The following PRKAR1A variants were observed in gnomAD, a reference collection of about 807,000 sequenced individuals.
The protein encoded by PRKAR1A is protein kinase cAMP-dependent type I regulatory subunit alpha, also known as cAMP-dependent protein kinase type I-alpha regulatory subunit.
A neutral mutation model predicts 52.0 loss-of-function variants in PRKAR1A; 3 were observed. The observed-to-expected ratio is 0.06, with a 90% CI of 0.03 to 0.15. The LOEUF (loss-of-function observed/expected upper bound fraction) is 0.15, where lower values mean the gene tolerates loss of function less well. Ranked by LOEUF, PRKAR1A falls within the 10% of genes least tolerant of loss-of-function variation. The pLI, the probability that PRKAR1A is intolerant of heterozygous loss-of-function variation, is 1.00. For missense variants in PRKAR1A, 240 were observed against 477.4 expected, an observed-to-expected ratio of 0.50 and a Z score of 4.63; for synonymous variants, 188 against 168.4, an observed-to-expected ratio of 1.12 and a Z score of -0.90.
At chr17:68,428,237 T>A in the PRKAR1A span, 3 of 147,882 alleles carry the variant, frequency 2.0e-5, no homozygotes, top group Non-Finnish European at 3.0e-5. Context: ...GGTTTTTTTT[T>A]TTTTTTATTT....
intron 11 of PRKAR1A, chr17:68,539,216 T>C: frequency 2.3e-6 from 2 of 882,950 alleles, no homozygotes; most frequent in Non-Finnish European, 1.9e-6. Flanking sequence ...GTGATTCATG[T>C]CATTCTACCC....
At chr17:68,486,394 TTCTTTCTTTCTTTC>T in the PRKAR1A span, among the ~76,000 whole-genome samples, 1 of 30,478 alleles carries the variant, frequency 3.3e-5, no homozygotes, top group Non-Finnish European at 5.7e-5. Flanking sequence ...TTCTCTTTCT[TTCTTTCTTTCTTTC>T]TTTCTTTCCT....
chr17:68,532,203 TA>T lies in PRKAR1A; in HGVS notation c.*1760del. Reference sequence around the variant, plus strand: ...TTGTGTTTAGCTACCTTTTTATATTTAAAAAATTAAAAATGAAAATTACGTT... The same window carrying T: ...TTGTGTTTAGCTACCTTTTTATATTTAAAAATTAAAAATGAAAATTACGTT... On this transcript the variant is annotated 3_prime_UTR_variant, in exon 11 of 11. Transcript: ENST00000589228. The T allele has an allele frequency of 9.7e-7, 1 of 1,034,488 alleles. No individual in the cohort carries two copies. The highest frequency in any genetic ancestry group is 1.2e-6 in the Non-Finnish European group (1 of 851,326). The allele number at this position is 1,034,488 out of a possible 1,614,324, so 64.1% of individuals were successfully genotyped here.
At chr17:68,421,838 G>A in the PRKAR1A span, 2 of 1,614,114 alleles carry the variant, frequency 1.2e-6, no homozygotes, top group East Asian at 2.2e-5. Context: ...AATCAAAACA[G>A]AATGGCCTTA....
chr17:68,522,317 G>A (rs1308931399), intron 2 of PRKAR1A, among the ~76,000 whole-genome samples: 1 of 152,150 alleles, frequency 6.6e-6, no homozygotes, highest in Non-Finnish European at 1.5e-5. Flanking sequence ...ACTATGTTGG[G>A]CTTGAATTGT....
chr17:68,437,014 A>G, the PRKAR1A span, among the ~76,000 whole-genome samples: 17,906 of 81,738 alleles, frequency 0.22, 1,240 homozygotes, highest in South Asian at 0.35. Context: ...AAATATATAT[A>G]TATGTGTGTG....
At chr17:68,449,273 T>C in the PRKAR1A span, among the ~76,000 whole-genome samples, 1 of 152,228 alleles carries the variant, frequency 6.6e-6, no homozygotes, top group African/African-American at 2.4e-5. Context: ...AGCACGTATC[T>C]ACCAAGCACT....
the PRKAR1A span, among the ~76,000 whole-genome samples, chr17:68,423,047 C>T: frequency 7.9e-5 from 12 of 152,204 alleles, no homozygotes; most frequent in South Asian, 4.1e-4. The surrounding 1 kb of genome is among the most constrained non-coding windows in gnomAD (Gnocchi z 4.4). Flanking sequence ...CTTAAGGCAG[C>T]GGCTCACAGA....
intron 7 of PRKAR1A, among the ~76,000 whole-genome samples, chr17:68,526,481 C>A (rs2085795223): frequency 1.3e-5 from 2 of 152,184 alleles, no homozygotes; most frequent in Non-Finnish European, 1.5e-5. Flanking sequence ...ATGCATTGGT[C>A]ATTTTTAATG....
chr17:68,469,300 C>T, the PRKAR1A span, among the ~76,000 whole-genome samples: 1 of 152,008 alleles, frequency 6.6e-6, no homozygotes, highest in East Asian at 1.9e-4. Context: ...TAAAATTTCC[C>T]ACAACCACAT....
chr17:68,533,785 T>C (rs921415664), downstream of PRKAR1A, among the ~76,000 whole-genome samples: 36 of 152,172 alleles, frequency 2.4e-4, no homozygotes, highest in Non-Finnish European at 3.7e-4. Context: ...CAGGCTAGAG[T>C]GAAGTGGCAT....
At chr17:68,438,430 G>A in the PRKAR1A span, among the ~76,000 whole-genome samples, 1 of 152,216 alleles carries the variant, frequency 6.6e-6, no homozygotes, top group African/African-American at 2.4e-5. Context: ...GTGAAACTGG[G>A]GAGGGAAGGC....
At chr17:68,441,363 AGTTTATG>A in the PRKAR1A span, among the ~76,000 whole-genome samples, 1 of 152,260 alleles carries the variant, frequency 6.6e-6, no homozygotes, top group Non-Finnish European at 1.5e-5. Flanking sequence ...ATTTACTTGT[AGTTTATG>A]AAGTCAAAAT....
At chr17:68,427,375 G>A in the PRKAR1A span, 1 of 762,890 alleles carries the variant, frequency 1.3e-6, no homozygotes, top group Non-Finnish European at 2.1e-6. Flanking sequence ...ATTTATTTTT[G>A]AGGCAGGGTC....
chr17:68,511,544 G>A (rs887859118), upstream of PRKAR1A, among the ~76,000 whole-genome samples: 1 of 152,242 alleles, frequency 6.6e-6, no homozygotes, highest in East Asian at 1.9e-4. Flanking sequence ...GGTCAGGAGT[G>A]ATGGGGGGGC....
the PRKAR1A span, chr17:68,413,823 G>GT: frequency 2.6e-4 from 40 of 153,780 alleles, no homozygotes; most frequent in Non-Finnish European, 4.8e-4. Context: ...CTGGTGCGCC[G>GT]TTTTTTAAGC....
At chr17:68,535,898 G>A (rs571516105), downstream of PRKAR1A, 2 of 453,862 alleles carry the variant, frequency 4.4e-6, no homozygotes, top group East Asian at 6.9e-5. Context: ...CTTTGGAATA[G>A]GTCTAAACCA....
chr17:68,433,981 C>T, the PRKAR1A span, among the ~76,000 whole-genome samples: 4 of 151,914 alleles, frequency 2.6e-5, no homozygotes, highest in Non-Finnish European at 5.9e-5. Context: ...CGGTGTTTCA[C>T]CATGTTGGCC....
At chr17:68,521,748 CTT>C in intron 2 of PRKAR1A, among the ~76,000 whole-genome samples, 1 of 152,316 alleles carries the variant, frequency 6.6e-6, no homozygotes, top group South Asian at 2.1e-4. Context: ...CACGCCATTG[CTT>C]TTCTTGAATG....
Sources: gnomAD v4.1 joint callset for allele counts (sites outside exome capture counted in the v4.1 genomes callset) on GRCh38, gnomAD v4.1.1 for gene constraint, Gnocchi (gnomAD v3.1) non-coding constraint, MANE v1.5 for transcripts, NCBI Gene and HGNC (gene_info 2026-07-23, HGNC 2026-07-21) for gene names.